The following SAR1B variants were observed in gnomAD, a reference collection of about 807,000 sequenced individuals.
The protein encoded by SAR1B is secretion associated Ras related GTPase 1B.
SAR1B carries 23 observed loss-of-function variants against 26.8 expected under a neutral mutation model. That is an observed-to-expected ratio of 0.86 (90% CI 0.62 to 1.22). The LOEUF is 1.22. SAR1B is among the 50% of genes most tolerant of loss of function. SAR1B has a pLI of 0.00. For synonymous variants in SAR1B, 65 were observed against 80.8 expected, an observed-to-expected ratio of 0.80 and a Z score of 1.05; for missense variants, 196 against 232.8, an observed-to-expected ratio of 0.84 and a Z score of 1.03.
chr5:134,612,681 A>AAAAAAATAAAAT lies in SAR1B; in HGVS notation c.244+9_244+10insATTTTATTTTTT. On this transcript the variant is annotated intron_variant, in intron 4 of 6. Coordinates refer to ENST00000402673, the MANE Select transcript of SAR1B (RefSeq NM_016103.4). ...AAAAAAAAAAAAAAAAAAAAAAAAAAGAATCTTACCTTGAACATGTCCACC... is the reference window on the plus strand; with the variant it reads ...AAAAAAAAAAAAAAAAAAAAAAAAAAAAAAAATAAAATGAATCTTACCTTGAACATGTCCACC... 2.7e-6 allele frequency: 3 copies of AAAAAAATAAAAT among 1,124,724 alleles called. No homozygotes were observed. Among genetic ancestry groups the AAAAAAATAAAAT allele is most frequent in the Non-Finnish European group, 2.4e-6 (2 of 836,272 alleles). 69.7% of individuals were successfully genotyped at this position (1,124,724 alleles called of 1,614,324 possible). A position where few individuals can be genotyped will look rare whatever the true frequency, so the allele number is the denominator to read the frequency against.
At chr5:134,623,606 A>C (rs1765449535) in intron 2 of SAR1B, among the ~76,000 whole-genome samples, 1 of 152,054 alleles carries the variant, frequency 6.6e-6, no homozygotes, top group Admixed American at 6.6e-5. Context: ...CATGCATTTT[A>C]ATAATAATCC....
intron 3 of SAR1B, chr5:134,613,655 G>A (rs1158964462): frequency 2.0e-5 from 3 of 152,050 alleles, no homozygotes; most frequent in African/African-American, 7.2e-5. Context: ...TCAAATAACT[G>A]CTCCAATCTA....
chr5:134,608,285 G>T, intron 6 of SAR1B, 87 bp downstream of exon 6: 2 of 1,336,766 alleles, frequency 1.5e-6, no homozygotes, highest in Middle Eastern at 1.9e-4. Flanking sequence ...ATGATAATGG[G>T]CTTGTATAGT....
Position 134,612,736 on chromosome 5 carries a change from C to T in SAR1B, c.199G>A (p.Ala67Thr). 1 of 1,546,276 alleles carries T rather than the reference C, an allele frequency of 6.5e-7. No individual in the cohort carries two copies. The highest frequency in any genetic ancestry group is 8.8e-7 in the Non-Finnish European group (1 of 1,142,406). Residue 67 changes from alanine to threonine, a missense_variant, in exon 4 of 7, where the codon GCT (alanine) becomes ACT (threonine). Coordinates refer to ENST00000402673, the MANE Select transcript of SAR1B (RefSeq NM_016103.4). ...TCAAAAGTTGTAAACGTCATGCCAG[C>T]AATGGTCAGTTCTTCGGAAGCTAAA... ...LHPTSEELTI[A>T]GMTFTTFDLG...
At chr5:134,616,437 CAAA>C (rs200324694) in intron 3 of SAR1B, among the ~76,000 whole-genome samples, 8 of 68,422 alleles carry the variant, frequency 1.2e-4, no homozygotes, top group Non-Finnish European at 9.8e-5. Context: ...GACTTTGTCT[CAAA>C]AAAAAAAAAA....
chr5:134,628,628 C>A lies in SAR1B; in HGVS notation c.-19+4100G>T, dbSNP rs537819562. On this transcript the variant is annotated intron_variant, in intron 1 of 6. Coordinates refer to ENST00000402673, the MANE Select transcript of SAR1B (RefSeq NM_016103.4). ...ACCAGGAGTTAAAGACCAGCCTGAG[C>A]AACATAACAAGATCCCATCTCTAAA... Among the ~76,000 whole-genome samples, 19 of 151,872 alleles carry A rather than the reference C, an allele frequency of 1.3e-4. No individual in the cohort carries two copies. In the East Asian group the frequency reaches 2.9e-3, roughly 23 times the overall value.
At chr5:134,607,595 A>T (rs1434884406) in intron 6 of SAR1B, among the ~76,000 whole-genome samples, 1 of 152,014 alleles carries the variant, frequency 6.6e-6, no homozygotes, top group Non-Finnish European at 1.5e-5. Flanking sequence ...CAACATGGAG[A>T]AACCCCGTCT....
At chr5:134,625,981 A>G (rs1765486422) in intron 1 of SAR1B, 1 of 152,134 alleles carries the variant, frequency 6.6e-6, no homozygotes, top group South Asian at 2.1e-4. Flanking sequence ...GCTTTGGAAG[A>G]TAATAATATA....
intron 1 of SAR1B, chr5:134,632,349 T>C (rs1273348477): frequency 6.6e-6 from 1 of 152,206 alleles, no homozygotes. Flanking sequence ...TCTACACTAA[T>C]TGGGAGCGCT....
rs1381336274 is a variant in SAR1B at position 134,602,926 on chromosome 5, T to C, written c.*4024A>G. ...AAAACAAACATGCAGTTTTGATAAT[T>C]TAGTCCTTAATTGAAGCACACTGTT... On this transcript the variant is annotated 3_prime_UTR_variant, in exon 7 of 7. Transcript: ENST00000402673. The C allele has an allele frequency of 6.6e-6, 1 of 152,128 alleles. No individual in the cohort carries two copies. The highest frequency in any genetic ancestry group is 2.4e-5 in the African/African-American group (1 of 41,438). The allele number at this position is 152,128 out of a possible 1,614,324, so 9.4% of individuals were successfully genotyped here. A position where few individuals can be genotyped will look rare whatever the true frequency, so the allele number is the denominator to read the frequency against.
rs2150047758 is a variant in SAR1B, at chr5:134,603,302, A to C, written c.*3648T>G. On this transcript the variant is annotated 3_prime_UTR_variant, in exon 7 of 7. Transcript: ENST00000402673. ...TCACATACCAAATACAGTTTCAGAA[A>C]ATGTAAACCTTTCCCCTGAAACTCT... 6.6e-6 allele frequency: 1 copy of C among 152,328 alleles called. No homozygotes were observed. Among genetic ancestry groups the C allele is most frequent in the African/African-American group, 2.4e-5 (1 of 41,568 alleles). 9.4% of individuals were successfully genotyped at this position (152,328 alleles called of 1,614,324 possible).
chr5:134,607,720 C>T (rs1371892083), intron 6 of SAR1B, among the ~76,000 whole-genome samples: 3 of 147,066 alleles, frequency 2.0e-5, no homozygotes, highest in African/African-American at 7.5e-5. Flanking sequence ...TGCAATGAGC[C>T]GAGATTGCAC....
intron 1 of SAR1B, among the ~76,000 whole-genome samples, chr5:134,624,254 C>T (rs1378793251): frequency 6.6e-6 from 1 of 152,102 alleles, no homozygotes; most frequent in African/African-American, 2.4e-5. Flanking sequence ...ACTAAAAATA[C>T]AGAAATTAAC....
Position 134,606,078 on chromosome 5 carries a change from T to C in SAR1B, c.*872A>G, listed in dbSNP as rs1561783017. 1.3e-5 allele frequency: 2 copies of C among 152,228 alleles called. No homozygotes were observed. Among genetic ancestry groups the C allele is most frequent in the Non-Finnish European group, 2.9e-5 (2 of 68,054 alleles). 9.4% of individuals were successfully genotyped at this position (152,228 alleles called of 1,614,324 possible). On this transcript the variant is annotated 3_prime_UTR_variant, in exon 7 of 7. Coordinates refer to ENST00000402673, the MANE Select transcript of SAR1B (RefSeq NM_016103.4). ...GCACTTCAGAATTAGACAGCTGGGA[T>C]GGAACTATAGAGCCTACCAAACTGA...
At chr5:134,625,741 G>A (rs1250830425) in intron 1 of SAR1B, 1 of 152,182 alleles carries the variant, frequency 6.6e-6, no homozygotes, top group Non-Finnish European at 1.5e-5. Flanking sequence ...CCAGGCTAGA[G>A]GGTACACTGT....
Position 134,605,197 on chromosome 5 carries a change from G to C in SAR1B, c.*1753C>G, listed in dbSNP as rs1173515364. 2.6e-5 allele frequency: 4 copies of C among 152,190 alleles called. No homozygotes were observed. In the East Asian group the frequency reaches 5.8e-4, roughly 22 times the overall value. The allele number at this position is 152,190 out of a possible 1,614,324, so 9.4% of individuals were successfully genotyped here. The stretch of plus-strand genomic sequence containing the variant: ...AGGTTATATTATCAATGACAAAAAG[G>C]ACTGTAACTCTGACATGGACAATGG... On this transcript the variant is annotated 3_prime_UTR_variant, in exon 7 of 7. Coordinates refer to ENST00000402673, the MANE Select transcript of SAR1B (RefSeq NM_016103.4).
intron 4 of SAR1B, among the ~76,000 whole-genome samples, chr5:134,610,930 G>A (rs967687005): frequency 6.7e-6 from 1 of 149,822 alleles, no homozygotes; most frequent in Non-Finnish European, 1.5e-5. Flanking sequence ...TGTCATCCAG[G>A]CTAGTTCACT....
In SAR1B at chr5:134,603,957, A is replaced by G. The variant is rs928346798; in HGVS notation, c.*2993T>C. The G allele has an allele frequency of 6.6e-6, 1 of 152,254 alleles. No homozygotes were observed. The highest frequency in any genetic ancestry group is 1.9e-4 in the East Asian group (1 of 5,202). 9.4% of individuals were successfully genotyped at this position (152,254 alleles called of 1,614,324 possible). A position where few individuals can be genotyped will look rare whatever the true frequency, so the allele number is the denominator to read the frequency against. ...TAAAATTTAGGTCTGCACAGGCAGT[A>G]TCTGTGTTCATATATCTTTGGCACT... On this transcript the variant is annotated 3_prime_UTR_variant, in exon 7 of 7. Transcript: ENST00000402673.
At position 134,608,476 on chromosome 5, in the gene SAR1B, T is replaced by G; in HGVS notation, c.376A>C (p.Asn126His). 6.2e-7 allele frequency: 1 copy of G among 1,612,546 alleles called. No individual in the cohort carries two copies. The highest frequency in any genetic ancestry group is 8.5e-7 in the Non-Finnish European group (1 of 1,179,452). The change falls in exon 6 of 7, where the codon AAT becomes CAT. Residue 126 changes from asparagine to histidine, a missense_variant. Physicochemically the swap from Asn to His is moderately conservative, Grantham distance 68. Transcript: ENST00000402673. ...TTCCCAAGAATCAGTATAGGCACAT[T>G]AGCAATGGTTTCATCTGTCATTAGT... ...DSLMTDETIA[N>H]VPILILGNKI...
Sources: allele counts gnomAD v4.1 joint callset (sites outside exome capture counted in the v4.1 genomes callset), GRCh38; gene constraint gnomAD v4.1.1; transcripts MANE v1.5; gene names NCBI Gene and HGNC (gene_info 2026-07-23, HGNC 2026-07-21).